Variants in SCMH1 observed in about 807,000 individuals in gnomAD.
The protein encoded by SCMH1 is polycomb protein SCMH1.
A neutral mutation model predicts 70.8 loss-of-function variants in SCMH1; 37 were observed. The ratio of observed to expected loss-of-function variants is 0.52; its 90% CI spans 0.40 to 0.69. The LOEUF is 0.69. SCMH1 is among the 30% of genes least tolerant of loss of function. SCMH1 has a pLI of 0.00. For synonymous variants in SCMH1, 292 were observed against 307.4 expected, an observed-to-expected ratio of 0.95 and a Z score of 0.52; for missense variants, 607 against 827.3, an observed-to-expected ratio of 0.73 and a Z score of 3.27.
At chr1:41,040,913 AAGG>A (rs1481772729) in intron 12 of SCMH1, among the ~76,000 whole-genome samples, 2 of 129,308 alleles carry the variant, frequency 1.5e-5, no homozygotes, top group Non-Finnish European at 3.6e-5. Flanking sequence ...ACAACAAAAA[AAGG>A]AGGGCATTTT....
chr1:41,206,895 TAAAG>T (rs1276713433), intron 1 of SCMH1, among the ~76,000 whole-genome samples: 1 of 152,138 alleles, frequency 6.6e-6, no homozygotes, highest in Non-Finnish European at 1.5e-5. Context: ...TCAACATTCT[TAAAG>T]AAAAGAATTT....
At chr1:41,126,039 A>G (rs1278944094) in intron 6 of SCMH1, among the ~76,000 whole-genome samples, 1 of 152,218 alleles carries the variant, frequency 6.6e-6, no homozygotes, top group Non-Finnish European at 1.5e-5. Flanking sequence ...AATATATTTT[A>G]AAGGCCAGAG....
At chr1:41,066,955 T>C (rs1357330427) in intron 10 of SCMH1, among the ~76,000 whole-genome samples, 3 of 152,180 alleles carry the variant, frequency 2.0e-5, no homozygotes, top group Non-Finnish European at 2.9e-5. Context: ...CTATTTAATC[T>C]AGCAGTTGTC....
rs528869352 is a variant in SCMH1, at chr1:41,066,577, G to T, written c.1105+4018C>A. Among the ~76,000 whole-genome samples the T allele has an allele frequency of 2.8e-4, 42 of 152,014 alleles. No homozygotes were observed. The South Asian group carries it at 7.7e-3, about 28-fold the overall frequency. The stretch of plus-strand genomic sequence containing the variant: ...TGCTTTTAGTCAGCCATCTTTTTTT[G>T]TTGTTGTTGTTTTGGAGACAGGGTC... On this transcript the variant is annotated intron_variant, in intron 10 of 14. Transcript: ENST00000337495.
At chr1:41,215,012 C>G (rs1209441406) in intron 1 of SCMH1, among the ~76,000 whole-genome samples, 1 of 152,160 alleles carries the variant, frequency 6.6e-6, no homozygotes, top group East Asian at 1.9e-4. Context: ...CATTTATACT[C>G]AGCACTTTGG....
intron 2 of SCMH1, among the ~76,000 whole-genome samples, chr1:41,164,547 T>G (rs776560617): frequency 6.6e-6 from 1 of 152,242 alleles, no homozygotes; most frequent in Non-Finnish European, 1.5e-5. Flanking sequence ...CCCCAGTAAG[T>G]AGTATAGTAA....
chr1:41,135,182 A>T (rs1057325436), intron 6 of SCMH1, among the ~76,000 whole-genome samples: 1 of 152,118 alleles, frequency 6.6e-6, no homozygotes, highest in African/African-American at 2.4e-5. Flanking sequence ...TAGGCAACAC[A>T]GTTCTATGTG....
chr1:41,187,698 C>A (rs1390705986), intron 1 of SCMH1, among the ~76,000 whole-genome samples: 4 of 150,226 alleles, frequency 2.7e-5, no homozygotes, highest in Non-Finnish European at 5.9e-5. Context: ...TTTTAGGAGG[C>A]TGAAGTAGGG....
intron 2 of SCMH1, among the ~76,000 whole-genome samples, chr1:41,182,588 G>A (rs1002391117): frequency 1.3e-5 from 2 of 152,114 alleles, no homozygotes; most frequent in Admixed American, 6.5e-5. Context: ...TGTGGAACCT[G>A]TGATTTCAGC....
intron 2 of SCMH1, among the ~76,000 whole-genome samples, chr1:41,166,410 T>C (rs1051857759): frequency 4.6e-5 from 7 of 152,098 alleles, no homozygotes; most frequent in Non-Finnish European, 1.0e-4. Context: ...GGCAGTTGCA[T>C]TAGATCTGTA....
At chr1:41,162,559 T>A (rs1052639772) in intron 2 of SCMH1, among the ~76,000 whole-genome samples, 1 of 152,150 alleles carries the variant, frequency 6.6e-6, no homozygotes, top group Non-Finnish European at 1.5e-5. Flanking sequence ...GACGAAGATA[T>A]GACTGAACAA....
intron 1 of SCMH1, among the ~76,000 whole-genome samples, chr1:41,220,563 ACTCAC>A (rs1392106667): frequency 6.6e-6 from 1 of 152,144 alleles, no homozygotes; most frequent in Non-Finnish European, 1.5e-5. Context: ...TCAAAAACCA[ACTCAC>A]CTGGATAGGA....
intron 1 of SCMH1, among the ~76,000 whole-genome samples, chr1:41,227,188 C>A (rs1660434254): frequency 6.6e-6 from 1 of 152,328 alleles, no homozygotes; most frequent in Middle Eastern, 3.4e-3. Context: ...AATCCCCTAG[C>A]TAAGTTCCAG....
chr1:41,075,288 G>C, exon 9 of SCMH1: 4 of 1,614,180 alleles, frequency 2.5e-6, no homozygotes, highest in Non-Finnish European at 3.4e-6. Context: ...ATGGGGCAGA[G>C]ATGGGATGGG....
At chr1:41,155,679 T>A (rs1334045425) in intron 4 of SCMH1, among the ~76,000 whole-genome samples, 1 of 151,964 alleles carries the variant, frequency 6.6e-6, no homozygotes, top group African/African-American at 2.4e-5. Context: ...CTTGATAAGG[T>A]GATACAAAAG....
chr1:41,064,952 A>C (rs143882348), intron 10 of SCMH1, among the ~76,000 whole-genome samples: 6 of 152,254 alleles, frequency 3.9e-5, no homozygotes, highest in Admixed American at 1.3e-4. Context: ...AATACCATTT[A>C]TGTTAGCACC....
At chr1:41,240,311 C>CT (rs1663251197) in intron 1 of SCMH1, among the ~76,000 whole-genome samples, 3 of 152,184 alleles carry the variant, frequency 2.0e-5, no homozygotes, top group African/African-American at 7.2e-5. Flanking sequence ...AGAGCCTGGC[C>CT]TTTTATCTAC....
At chr1:41,049,766 C>T (rs376682091) in intron 10 of SCMH1, among the ~76,000 whole-genome samples, 2 of 123,244 alleles carry the variant, frequency 1.6e-5, no homozygotes, top group East Asian at 4.7e-4. Context: ...GAATTGGTCT[C>T]AAAAAAAAAA....
intron 1 of SCMH1, among the ~76,000 whole-genome samples, chr1:41,194,285 ACT>A (rs1417314987): frequency 1.4e-4 from 21 of 152,260 alleles, no homozygotes; most frequent in African/African-American, 4.3e-4. Flanking sequence ...ATAGAGGATA[ACT>A]CTCTATTTCT....
Sources: allele counts gnomAD v4.1 joint callset (sites outside exome capture counted in the v4.1 genomes callset), GRCh38; gene constraint gnomAD v4.1.1; transcripts MANE v1.5; gene names NCBI Gene and HGNC (gene_info 2026-07-23, HGNC 2026-07-21).